Variants in C1QTNF12 observed in about 807,000 individuals in gnomAD.
C1QTNF12 encodes C1q and TNF related 12.
A neutral mutation model predicts 34.3 loss-of-function variants in C1QTNF12; 39 were observed. The observed-to-expected ratio is 1.14, with a 90% CI of 0.88 to 1.49. The LOEUF (loss-of-function observed/expected upper bound fraction) is 1.49, where lower values mean the gene tolerates loss of function less well. Among genes scored for constraint, C1QTNF12 ranks in the 40% most tolerant of loss-of-function variants. The probability of loss-of-function intolerance (pLI) is 0.00; values close to 1 mark genes in which losing one functional copy is unlikely to be tolerated. For synonymous variants in C1QTNF12, 220 were observed against 196.9 expected, an observed-to-expected ratio of 1.12 and a Z score of -0.98; for missense variants, 497 against 424.7, an observed-to-expected ratio of 1.17 and a Z score of -1.50.
Position 1,244,250 on chromosome 1 carries a change from G to A in C1QTNF12, c.320C>T (p.Pro107Leu). ...KPRDLFGPPG[P>L]PGAEVTAETL... is the part of the protein sequence containing the mutation. ...CTCCGCGGTCACTTCTGCACCTGGA[G>A]GTCCTGGGGGACCGAAGAGATCCCG... Residue 107 changes from proline to leucine, a missense_variant, in exon 3 of 8, where the codon CCT becomes CTT. Pro to Leu is a moderately conservative substitution (Grantham distance 98). Transcript: ENST00000330388. 2.5e-6 allele frequency: 4 copies of A among 1,596,312 alleles called. No homozygotes were observed. The highest frequency in any genetic ancestry group is 3.4e-6 in the Non-Finnish European group (4 of 1,171,106).
At chr1:1,242,719 C>T in intron 7 of C1QTNF12, 73 bp from the exon 8 acceptor site, 1 of 1,548,212 alleles carries the variant, frequency 6.5e-7, no homozygotes. Context: ...TGCCCACCTG[C>T]CCTGCGCTAG....
At position 1,242,552 on chromosome 1, in the gene C1QTNF12, G is replaced by A. The variant is rs372939329; in HGVS notation, c.905C>T (p.Thr302Met). Residue 302 changes from threonine (T) to methionine (M), a missense_variant, in exon 8 of 8, where the codon ACG becomes ATG. Coordinates refer to ENST00000330388, the MANE Select transcript of C1QTNF12 (RefSeq NM_001014980.3). ...GSSFSGLLLG[T>M] ...CGCCAGCCCCCCTGGGCGCCCTCAC[G>A]TGCCCAGGAGCAGCCCGGAGAAGCT... 1.3e-5 allele frequency: 20 copies of A among 1,564,276 alleles called. No homozygotes were observed. Among genetic ancestry groups the A allele is most frequent in the African/African-American group, 6.8e-5 (5 of 73,840 alleles).
Position 1,242,595 on chromosome 1 carries a change from T to C in C1QTNF12, c.862A>G (p.Thr288Ala). ...FVDNGSGAVL[T>A]IQAGSSFSGL... is the part of the protein sequence containing the mutation. ...GAGAAGCTGGAGCCCGCCTGGATGG[T>C]GAGGACGGCCCCGGAGCCATTGTCC... Residue 288 changes from threonine (T) to alanine (A), a missense_variant, in exon 8 of 8, where the codon ACC becomes GCC. Thr to Ala is a moderately conservative substitution (Grantham distance 58). Transcript: ENST00000330388. 1 of 1,592,756 alleles carries C rather than the reference T, an allele frequency of 6.3e-7. No individual in the cohort carries two copies. The highest frequency in any genetic ancestry group is 8.5e-7 in the Non-Finnish European group (1 of 1,170,034).
upstream of C1QTNF12, among the ~76,000 whole-genome samples, chr1:1,247,020 C>T (rs1342070770): frequency 2.6e-5 from 4 of 151,730 alleles, no homozygotes; most frequent in South Asian, 2.1e-4. Flanking sequence ...GCCGCCCGGG[C>T]GCCCCGACGG....
In C1QTNF12 at chr1:1,244,376, C is replaced by T; in HGVS notation, c.294+5G>A. On this transcript the variant is annotated splice_donor_5th_base_variant and intron_variant, in intron 2 of 7. Coordinates refer to ENST00000330388, the MANE Select transcript of C1QTNF12 (RefSeq NM_001014980.3). ...AGACCCTGCAGCAGCCCGGGCGGGGCTCACCGGCTTCTTGTCCCTGCTTCC... is the reference window on the plus strand; with the variant it reads ...AGACCCTGCAGCAGCCCGGGCGGGGTTCACCGGCTTCTTGTCCCTGCTTCC... The T allele has an allele frequency of 6.2e-7, 1 of 1,610,658 alleles. No homozygotes were observed.
At position 1,246,612 on chromosome 1, in the gene C1QTNF12, G is replaced by A. The variant is rs1025233202; in HGVS notation, c.79C>T (p.Arg27Trp). Residue 27 changes from arginine to tryptophan, a missense_variant, in exon 1 of 8, where the codon CGG (arginine) becomes TGG (tryptophan). Coordinates refer to ENST00000330388, the MANE Select transcript of C1QTNF12 (RefSeq NM_001014980.3). The surrounding 1 kb of genome is among the most constrained non-coding windows in gnomAD (Gnocchi z 4.5). Reference protein sequence around the residue: ...LVLLGGVGARREAQRTQQPGQ... With the variant: ...LVLLGGVGARWEAQRTQQPGQ... Reference sequence around the variant, plus strand: ...GGCTGCTGCGTCCTCTGTGCCTCCCGCCGGGCCCCGACGCCCCCGAGGAGC... The same window carrying A: ...GGCTGCTGCGTCCTCTGTGCCTCCCACCGGGCCCCGACGCCCCCGAGGAGC... 1.3e-5 allele frequency: 16 copies of A among 1,245,276 alleles called. No individual in the cohort carries two copies. The highest frequency in any genetic ancestry group is 1.4e-5 in the Non-Finnish European group (14 of 995,254). The allele number at this position is 1,245,276 out of a possible 1,614,324, so 77.1% of individuals were successfully genotyped here. A position where few individuals can be genotyped will look rare whatever the true frequency, so the allele number is the denominator to read the frequency against.
At chr1:1,243,835 G>C in intron 4 of C1QTNF12, 119 bp downstream of exon 4, 1 of 1,279,722 alleles carries the variant, frequency 7.8e-7, no homozygotes, top group Non-Finnish European at 1.1e-6. Context: ...CGCCCTCCGA[G>C]CCCCGCCCCC....
chr1:1,243,091 G>A lies in C1QTNF12; in HGVS notation c.702C>T (p.Ile234=). 2 of 1,589,210 alleles carry A rather than the reference G, an allele frequency of 1.3e-6. No homozygotes were observed. Among genetic ancestry groups the A allele is most frequent in the Admixed American group, 1.8e-5 (1 of 56,820 alleles). The change falls in exon 6 of 8, where the codon ATC becomes ATT. Residue 234 remains isoleucine (I), a synonymous_variant. Transcript: ENST00000330388. ...GGCGCTGGCACAGGGACTCAATACA[G>A]ATGAGAACACACACCACGTCCCGGG... The part of the protein sequence containing the change: ...LRARDVVCVL[I]CIESLCQRHT...
Position 1,244,200 on chromosome 1 carries a change from G to C in C1QTNF12, c.370C>G (p.Leu124Val). The C allele has an allele frequency of 1.3e-6, 2 of 1,588,810 alleles. No homozygotes were observed. Among genetic ancestry groups the C allele is most frequent in the South Asian group, 2.3e-5 (2 of 87,404 alleles). The change falls in exon 3 of 8, where the codon CTG becomes GTG. Residue 124 changes from leucine to valine, a missense_variant. By Grantham distance (32) the Leu-to-Val change is conservative. Coordinates refer to ENST00000330388, the MANE Select transcript of C1QTNF12 (RefSeq NM_001014980.3). ...GTGCAGGGCGGCTGACCTTTCAGCA[G>C]CTCCTGAAACTCGTGAAGCAGAGTC... Reference protein sequence around the residue: ...AETLLHEFQELLKEATERRFS... With the variant: ...AETLLHEFQEVLKEATERRFS...
In C1QTNF12 at chr1:1,244,029, C is replaced by G; in HGVS notation, c.456G>C (p.Glu152Asp). 6.3e-7 allele frequency: 1 copy of G among 1,597,044 alleles called. No individual in the cohort carries two copies. The change falls in exon 4 of 8, where the codon GAG becomes GAC. Residue 152 changes from glutamate to aspartate, a missense_variant. By Grantham distance (45) the Glu-to-Asp change is conservative (BLOSUM62 2). Transcript: ENST00000330388. ...GACCCTGCAGCCGGCAGTGAAAGGC[C>G]TCGCCCACCAGCCGCAGGCCCGCCC... ...PQGAGLRLVGEAFHCRLQGPR... is the reference protein window; with the variant it reads ...PQGAGLRLVGDAFHCRLQGPR...
At position 1,246,604 on chromosome 1, in the gene C1QTNF12, T is replaced by C. The variant is rs1638898845; in HGVS notation, c.87A>G (p.Ala29=). The change falls in exon 1 of 8, where the codon GCA becomes GCG. Residue 29 remains alanine (A), a synonymous_variant. Transcript: ENST00000330388. This position sits in a 1 kb window ranked among gnomAD's most constrained non-coding sequence, Gnocchi z 4.5. The stretch of plus-strand genomic sequence containing the variant: ...GCTGGCCAGGCTGCTGCGTCCTCTG[T>C]GCCTCCCGCCGGGCCCCGACGCCCC... The part of the protein sequence containing the change: ...LLGGVGARRE[A]QRTQQPGQRA... The C allele has an allele frequency of 8.0e-7, 1 of 1,246,854 alleles. No individual in the cohort carries two copies. 77.2% of individuals were successfully genotyped at this position (1,246,854 alleles called of 1,614,324 possible). A position where few individuals can be genotyped will look rare whatever the true frequency, so the allele number is the denominator to read the frequency against.
In C1QTNF12 at chr1:1,242,925, C is replaced by G. The variant is rs1442523539; in HGVS notation, c.732-12G>C. 5.0e-6 allele frequency: 8 copies of G among 1,611,386 alleles called. No homozygotes were observed. The highest frequency in any genetic ancestry group is 1.3e-5 in the African/African-American group (1 of 74,852). ...CGGCCTCCAGGCACCTGAACACAGC[C>G]CCACAGGGCAAGAGGGAGGCGTTGC... is the stretch of plus-strand genomic sequence containing the variant. On this transcript the variant is annotated splice_polypyrimidine_tract_variant and intron_variant, in intron 6 of 7. Transcript: ENST00000330388.
In C1QTNF12 at chr1:1,246,501, C is replaced by T. The variant is rs1394208883; in HGVS notation, c.177+13G>A. ...CTGCCCCGCGAGGGCCCACGTGCGTCCCGGCCGCGTACCTTGGGGGCCTCG... is the reference window on the plus strand; with the variant it reads ...CTGCCCCGCGAGGGCCCACGTGCGTTCCGGCCGCGTACCTTGGGGGCCTCG... On this transcript the variant is annotated intron_variant, in intron 1 of 7. Coordinates refer to ENST00000330388, the MANE Select transcript of C1QTNF12 (RefSeq NM_001014980.3). This position sits in a 1 kb window ranked among gnomAD's most constrained non-coding sequence, Gnocchi z 4.5. 1 of 1,231,634 alleles carries T rather than the reference C, an allele frequency of 8.1e-7. No homozygotes were observed. Among genetic ancestry groups the T allele is most frequent in the African/African-American group, 1.6e-5 (1 of 64,460 alleles). The allele number at this position is 1,231,634 out of a possible 1,614,324, so 76.3% of individuals were successfully genotyped here.
rs1638882934 is a variant in C1QTNF12 at position 1,246,000 on chromosome 1, G to GTCA, written c.177+513_177+514insTGA. Among the ~76,000 whole-genome samples the GTCA allele has an allele frequency of 5.9e-5, 9 of 152,206 alleles. No individual in the cohort carries two copies. In the South Asian group the frequency reaches 1.9e-3, roughly 32 times the overall value. Reference sequence around the variant, plus strand: ...CTGTCTTTGTGAGGACGCCCGGCCTGACTGGGGCCCCAGGACTTAACCCGC... The same window carrying GTCA: ...CTGTCTTTGTGAGGACGCCCGGCCTGTCAACTGGGGCCCCAGGACTTAACCCGC... On this transcript the variant is annotated intron_variant, in intron 1 of 7. Coordinates refer to ENST00000330388, the MANE Select transcript of C1QTNF12 (RefSeq NM_001014980.3).
rs1229769488 is a variant in C1QTNF12 at position 1,246,041 on chromosome 1, C to G, written c.177+473G>C. On this transcript the variant is annotated intron_variant, in intron 1 of 7. Coordinates refer to ENST00000330388, the MANE Select transcript of C1QTNF12 (RefSeq NM_001014980.3). The surrounding 1 kb of genome is among the most constrained non-coding windows in gnomAD (Gnocchi z 4.5). ...CTTAACCCGCAAGAGGGGGTGCTAG[C>G]TACACAGGACCCCCAGAAAGCACAA... Among the ~76,000 whole-genome samples, 3 of 152,074 alleles carry G rather than the reference C, an allele frequency of 2.0e-5. No individual in the cohort carries two copies. Among genetic ancestry groups the G allele is most frequent in the African/African-American group, 7.2e-5 (3 of 41,394 alleles).
At chr1:1,242,724 C>T (rs541950806) in intron 7 of C1QTNF12, 78 bp from the exon 8 acceptor site, 106 of 1,546,092 alleles carry the variant, frequency 6.9e-5, no homozygotes, top group South Asian at 2.7e-4. Flanking sequence ...ACCTGCCCTG[C>T]GCTAGGAGGT....
Position 1,242,471 on chromosome 1 carries a change from A to T in C1QTNF12, c.*77T>A. 8.8e-7 allele frequency: 1 copy of T among 1,137,058 alleles called. No individual in the cohort carries two copies. Among genetic ancestry groups the T allele is most frequent in the Non-Finnish European group, 1.3e-6 (1 of 794,292 alleles). The allele number at this position is 1,137,058 out of a possible 1,614,324, so 70.4% of individuals were successfully genotyped here. On this transcript the variant is annotated 3_prime_UTR_variant, in exon 8 of 8. Coordinates refer to ENST00000330388, the MANE Select transcript of C1QTNF12 (RefSeq NM_001014980.3). Reference sequence around the variant, plus strand: ...CAGTGGGGAGGGTGGAGGGCTCTTTATTGTGGTGACCACGGGCATCAGTAG... The same window carrying T: ...CAGTGGGGAGGGTGGAGGGCTCTTTTTTGTGGTGACCACGGGCATCAGTAG...
At chr1:1,245,336 G>A (rs538657610) in intron 1 of C1QTNF12, among the ~76,000 whole-genome samples, 5 of 112,858 alleles carry the variant, frequency 4.4e-5, no homozygotes, top group South Asian at 3.5e-4. Flanking sequence ...GACCACCACC[G>A]CAATGTGCTG....
Position 1,242,593 on chromosome 1 carries a change from G to C in C1QTNF12, c.864C>G (p.Thr288=). Reference sequence around the variant, plus strand: ...CGGAGAAGCTGGAGCCCGCCTGGATGGTGAGGACGGCCCCGGAGCCATTGT... The same window carrying C: ...CGGAGAAGCTGGAGCCCGCCTGGATCGTGAGGACGGCCCCGGAGCCATTGT... ...FVDNGSGAVL[T]IQAGSSFSGL... Residue 288 remains threonine, a synonymous_variant, in exon 8 of 8, where the codon ACC becomes ACG. Transcript: ENST00000330388. 6.3e-7 allele frequency: 1 copy of C among 1,592,712 alleles called. No homozygotes were observed. The highest frequency in any genetic ancestry group is 8.5e-7 in the Non-Finnish European group (1 of 1,169,982).
Sources: gnomAD v4.1 joint callset for allele counts (sites outside exome capture counted in the v4.1 genomes callset) on GRCh38, gnomAD v4.1.1 for gene constraint, Gnocchi (gnomAD v3.1) non-coding constraint, MANE v1.5 for transcripts, NCBI Gene and HGNC (gene_info 2026-07-23, HGNC 2026-07-21) for gene names.